The following NBPF20 variants were observed in gnomAD, a reference collection of about 807,000 sequenced individuals.
NBPF20 encodes the protein NBPF family member NBPF20.
Under a neutral mutation model 68.1 loss-of-function variants are expected in NBPF20, and 90 were observed. The observed-to-expected ratio is 1.32, with a 90% confidence interval of 1.11 to 1.58. The LOEUF (loss-of-function observed/expected upper bound fraction) is 1.58, where lower values mean the gene tolerates loss of function less well. Ranked by LOEUF, NBPF20 falls within the 40% of genes most tolerant of loss-of-function variation. NBPF20 has a pLI of 0.00. For synonymous variants in NBPF20, 290 were observed against 228.1 expected (o/e 1.27, Z -2.45); for missense variants, 816 against 601.2 (o/e 1.36, Z -3.74).
intron 115 of NBPF20, among the ~76,000 whole-genome samples, 197 bp from the exon 121 acceptor site, chr1:145,309,445 GACAC>G (rs1302412073): frequency 0.021 from 937 of 44,316 alleles, 68 homozygotes; most frequent in Non-Finnish European, 0.031. Context: ...AAGACAGATA[GACAC>G]ACACACACAC....
At chr1:145,338,031 A>G (rs1231122851) in intron 79 of NBPF20, among the ~76,000 whole-genome samples, 41 of 93,774 alleles carry the variant, frequency 4.4e-4, no homozygotes, top group Middle Eastern at 6.0e-3. Flanking sequence ...ACACACACAC[A>G]CACACACACA....
At chr1:145,292,005 C>T (rs1184523573) in intron 137 of NBPF20, among the ~76,000 whole-genome samples, 2 of 149,582 alleles carry the variant, frequency 1.3e-5, no homozygotes, top group African/African-American at 5.1e-5. Flanking sequence ...AGAAAGTGAC[C>T]TAGTGAATTG....
rs1195769236 is a variant in NBPF20, at chr1:145,396,754, G to GTATA, written c.828-1617_828-1614dup. On this transcript the variant is annotated intron_variant, in intron 7 of 137. Coordinates refer to ENST00000369373, the Ensembl canonical transcript of NBPF20. Reference sequence around the variant, plus strand: ...TTCCTTTATTATTTTTTGTGTGTATGTATATATATATATATATACAGATAT... The same window carrying GTATA: ...TTCCTTTATTATTTTTTGTGTGTATGTATATATATATATATATATATACAGATAT... 7.7e-5 allele frequency among the ~76,000 whole-genome samples: 11 copies of GTATA among 142,630 alleles called. 1 individual carries two copies. The East Asian group carries it at 1.0e-3, about 13-fold the overall frequency. The allele number at this position is 142,630 out of a possible 152,430, so 93.6% of individuals were successfully genotyped here. A position where few individuals can be genotyped will look rare whatever the true frequency, so the allele number is the denominator to read the frequency against.
At position 145,291,559 on chromosome 1, in the gene NBPF20, C is replaced by A. The variant is rs371537256; in HGVS notation, c.16908G>T (p.Leu5636=). The A allele has an allele frequency of 2.2e-5, 36 of 1,612,002 alleles. No homozygotes were observed. In the African/African-American group the frequency reaches 3.3e-4, roughly 15 times the overall value. Residue 5636 remains leucine, a synonymous_variant, in exon 138 of 138, where the codon CTG becomes CTT. Coordinates refer to ENST00000369373, the Ensembl canonical transcript of NBPF20. ...GGAATATGACTCCCATCTGGAACAC[C>A]AGGTGGAGACTTGTCACCGTCAAAG... is the stretch of plus-strand genomic sequence containing the variant.
At chr1:145,405,890 T>C (rs1224746932), upstream of NBPF20, 1 of 187,380 alleles carries the variant, frequency 5.3e-6, no homozygotes, top group Admixed American at 5.4e-5. Context: ...AAAAATGGAA[T>C]CATTTAGTAT....
At chr1:145,419,781 G>A in the NBPF20 span, among the ~76,000 whole-genome samples, 3 of 152,154 alleles carry the variant, frequency 2.0e-5, no homozygotes, top group Non-Finnish European at 4.4e-5. Context: ...TACTCATTAT[G>A]GGGTCTCTAG....
At chr1:145,422,619 G>A in the NBPF20 span, among the ~76,000 whole-genome samples, 1 of 151,846 alleles carries the variant, frequency 6.6e-6, no homozygotes, top group Non-Finnish European at 1.5e-5. Flanking sequence ...GAAAAAAAGT[G>A]CCAAACAGTG....
chr1:145,417,621 C>CAAA, the NBPF20 span, among the ~76,000 whole-genome samples: 10 of 53,164 alleles, frequency 1.9e-4, no homozygotes, highest in Non-Finnish European at 3.1e-4. Flanking sequence ...CAACACAAAG[C>CAAA]AAAAAAAAAA....
At chr1:145,397,702 T>C (rs1299063195) in intron 7 of NBPF20, among the ~76,000 whole-genome samples, 1 of 152,132 alleles carries the variant, frequency 6.6e-6, no homozygotes, top group Non-Finnish European at 1.5e-5. Flanking sequence ...CCAGCTAATA[T>C]CATAACGACA....
rs200273288 is a variant in NBPF20 at position 145,292,509 on chromosome 1, G to A, written c.16589-20C>T. The A allele has an allele frequency of 1.4e-5, 10 of 698,106 alleles. No individual in the cohort carries two copies. Among genetic ancestry groups the A allele is most frequent in the East Asian group, 2.5e-5 (1 of 40,360 alleles). 43.2% of individuals were successfully genotyped at this position (698,106 alleles called of 1,614,324 possible). On this transcript the variant is annotated intron_variant, in intron 136 of 137. Coordinates refer to ENST00000369373, the Ensembl canonical transcript of NBPF20. ...CAATTTCTGCAATAAATTCAGACAT[G>A]GACAGACACATTAAGCTGATTCCCC...
At chr1:145,393,709 A>G (rs1202185678) in intron 9 of NBPF20, 175 bp downstream of exon 14, 2 of 1,481,086 alleles carry the variant, frequency 1.4e-6, no homozygotes, top group East Asian at 2.3e-5. Flanking sequence ...TAAGGGTAGG[A>G]AGAAATGGAA....
At chr1:145,404,405 C>G (rs1363590879) in intron 2 of NBPF20, among the ~76,000 whole-genome samples, 5 of 151,976 alleles carry the variant, frequency 3.3e-5, no homozygotes, top group Non-Finnish European at 7.4e-5. Context: ...ATTACAGTTG[C>G]CCACCACGAC....
At chr1:145,410,886 TACACAC>T in the NBPF20 span, among the ~76,000 whole-genome samples, 16 of 124,330 alleles carry the variant, frequency 1.3e-4, no homozygotes, top group Admixed American at 8.4e-4. Flanking sequence ...TATATATGTA[TACACAC>T]ACACACACAC....
At chr1:145,418,975 T>G in the NBPF20 span, among the ~76,000 whole-genome samples, 1 of 117,472 alleles carries the variant, frequency 8.5e-6, no homozygotes, top group African/African-American at 3.3e-5. Context: ...TTTAAAAAAG[T>G]AGAACAAAAA....
the NBPF20 span, among the ~76,000 whole-genome samples, chr1:145,416,032 G>A: frequency 6.6e-6 from 1 of 150,658 alleles, no homozygotes; most frequent in Non-Finnish European, 1.5e-5. Context: ...TCAGGAGGCT[G>A]AGGCAGGAGA....
chr1:145,411,365 T>G, the NBPF20 span, among the ~76,000 whole-genome samples: 2 of 150,900 alleles, frequency 1.3e-5, no homozygotes, highest in Non-Finnish European at 3.0e-5. Flanking sequence ...CTACTGGCCT[T>G]ACATAAATTT....
At chr1:145,397,609 G>T (rs1332777837) in intron 7 of NBPF20, among the ~76,000 whole-genome samples, 5 of 152,078 alleles carry the variant, frequency 3.3e-5, no homozygotes, top group African/African-American at 1.2e-4. Flanking sequence ...AGGAACAACC[G>T]GTACCAGCCA....
exon 138 of NBPF20, chr1:145,291,656 T>C (rs781897627): frequency 1.9e-5 from 31 of 1,611,788 alleles, no homozygotes; most frequent in Non-Finnish European, 2.1e-5. Flanking sequence ...CACACTTCTG[T>C]AGTGCTGGAA....
In NBPF20 at chr1:145,400,481, G is replaced by T. The variant is rs1178939474; in HGVS notation, c.680C>A (p.Thr227Asn). 1.9e-6 allele frequency: 3 copies of T among 1,612,898 alleles called. No homozygotes were observed. The African/African-American group carries it at 4.0e-5, about 22-fold the overall frequency. ...TTTGTCTTCCTCAAATGTGATTTTG[G>T]TTTTCCTATGTGGCTGGTTGGAGTC... The change falls in exon 6 of 138, where the codon ACC becomes AAC. Residue 227 changes from threonine (T) to asparagine (N), a missense_variant. Thr to Asn is a moderately conservative substitution (Grantham distance 65, BLOSUM62 0). Transcript: ENST00000369373.
Sources: allele counts gnomAD v4.1 joint callset (sites outside exome capture counted in the v4.1 genomes callset), GRCh38; gene constraint gnomAD v4.1.1; transcripts MANE v1.5; gene names NCBI Gene and HGNC (gene_info 2026-07-23, HGNC 2026-07-21).